NEBL: variants seen among roughly 807,000 people sequenced by gnomAD.
NEBL encodes the protein nebulette.
NEBL carries 122 observed loss-of-function variants against 140.2 expected under a neutral mutation model. That is an observed-to-expected ratio of 0.87 (90% CI 0.75 to 1.01). The LOEUF is 1.01. NEBL is among the 50% of genes least tolerant of loss of function. NEBL has a pLI of 0.00. For missense variants in NEBL, 1,365 were observed against 1,231.3 expected (o/e 1.11, Z -1.62); for synonymous variants, 436 against 398.9 (o/e 1.09, Z -1.11).
At chr10:20,841,101 A>AT (rs1245346892) in intron 12 of NEBL, among the ~76,000 whole-genome samples, 1 of 151,726 alleles carries the variant, frequency 6.6e-6, no homozygotes, top group Admixed American at 6.6e-5. Context: ...ACCATAGTGG[A>AT]TTTTTTTTAA....
intron 3 of NEBL, among the ~76,000 whole-genome samples, chr10:20,980,237 G>C (rs554833953): frequency 6.6e-6 from 1 of 152,010 alleles, no homozygotes. Context: ...AATGTCATCA[G>C]TGAATGGGCT....
intron 27 of NEBL, among the ~76,000 whole-genome samples, 199 bp from the exon 28 acceptor site, chr10:20,786,122 G>C (rs549032373): frequency 2.0e-5 from 3 of 152,204 alleles, no homozygotes; most frequent in South Asian, 2.1e-4. Flanking sequence ...AATATTTTTG[G>C]AACAGGGATA....
At chr10:20,905,061 AAAT>A (rs1848031502) in intron 4 of NEBL, among the ~76,000 whole-genome samples, 1 of 152,214 alleles carries the variant, frequency 6.6e-6, no homozygotes, top group African/African-American at 2.4e-5. Flanking sequence ...TAAAATGGGG[AAAT>A]AATGAAGAAG....
At chr10:20,978,645 G>A (rs1424007408) in intron 3 of NEBL, among the ~76,000 whole-genome samples, 1 of 151,820 alleles carries the variant, frequency 6.6e-6, no homozygotes, top group Non-Finnish European at 1.5e-5. Context: ...TGTGTTCCCA[G>A]CTACTCAGGA....
intron 2 of NEBL, among the ~76,000 whole-genome samples, chr10:21,142,463 C>T (rs925478414): frequency 2.6e-5 from 4 of 152,042 alleles, no homozygotes; most frequent in South Asian, 2.1e-4. Flanking sequence ...GGCAAACAAG[C>T]GAGCACAGGA....
At chr10:21,044,616 C>T (rs1192267830) in intron 2 of NEBL, among the ~76,000 whole-genome samples, 1 of 152,094 alleles carries the variant, frequency 6.6e-6, no homozygotes, top group Non-Finnish European at 1.5e-5. Flanking sequence ...ATTCTTCCCA[C>T]CACACTGAGA....
chr10:21,029,445 C>A, intron 2 of NEBL: 1 of 1,611,508 alleles, frequency 6.2e-7, no homozygotes, highest in Non-Finnish European at 8.5e-7. Flanking sequence ...ACCTGGATTC[C>A]CTGCTCAGTG....
chr10:20,935,785 T>C (rs1457171195), intron 4 of NEBL, among the ~76,000 whole-genome samples: 1 of 152,170 alleles, frequency 6.6e-6, no homozygotes, highest in Non-Finnish European at 1.5e-5. Flanking sequence ...AATTGCAAAA[T>C]AGCTCATTTG....
At chr10:21,135,111 T>G (rs1031283783) in intron 2 of NEBL, among the ~76,000 whole-genome samples, 1 of 152,254 alleles carries the variant, frequency 6.6e-6, no homozygotes, top group Non-Finnish European at 1.5e-5. Flanking sequence ...AACAGAGCTT[T>G]GTGTGTAACA....
chr10:21,098,291 G>A (rs977857791), intron 2 of NEBL, among the ~76,000 whole-genome samples: 4 of 152,104 alleles, frequency 2.6e-5, no homozygotes, highest in Admixed American at 6.6e-5. Flanking sequence ...GTGCAGAAAT[G>A]AAAGGAGACA....
intron 1 of NEBL, among the ~76,000 whole-genome samples, chr10:21,272,934 C>T (rs1842876578): frequency 6.6e-6 from 1 of 152,130 alleles, no homozygotes; most frequent in Non-Finnish European, 1.5e-5. Context: ...TCATGCTGGC[C>T]ATCTCTCTTC....
intron 26 of NEBL, among the ~76,000 whole-genome samples, chr10:20,803,207 A>G (rs1837284626): frequency 6.6e-6 from 1 of 152,222 alleles, no homozygotes; most frequent in African/African-American, 2.4e-5. Flanking sequence ...CTGTAGGATG[A>G]CTATAGTTAG....
intron 8 of NEBL, 130 bp from the exon 9 acceptor site, chr10:20,858,474 C>A (rs929644233): frequency 6.5e-6 from 5 of 774,966 alleles, no homozygotes; most frequent in Non-Finnish European, 1.1e-5. Context: ...TTACAAGGAG[C>A]CACTAGATGG....
At chr10:20,852,448 A>T in intron 10 of NEBL, 97 bp downstream of exon 10, 2 of 796,726 alleles carry the variant, frequency 2.5e-6, no homozygotes, top group Admixed American at 3.5e-5. Flanking sequence ...CTGCAACTGT[A>T]CTTTCTCAGT....
intron 2 of NEBL, among the ~76,000 whole-genome samples, chr10:21,137,086 T>C (rs747232954): frequency 1.3e-4 from 20 of 152,244 alleles, no homozygotes; most frequent in Non-Finnish European, 1.9e-4. Flanking sequence ...AGGGAAGTGA[T>C]TAAAGCATGG....
At chr10:21,082,579 G>C (rs1307690445) in intron 2 of NEBL, among the ~76,000 whole-genome samples, 2 of 133,584 alleles carry the variant, frequency 1.5e-5, no homozygotes, top group African/African-American at 3.1e-5. Flanking sequence ...AGACTGTGTA[G>C]AGAGAGTGGA....
intron 3 of NEBL, among the ~76,000 whole-genome samples, chr10:21,010,850 G>A (rs866692580): frequency 4.6e-5 from 7 of 152,198 alleles, no homozygotes; most frequent in Non-Finnish European, 7.4e-5. Context: ...CTTGTCTTTC[G>A]TCCTGTGCCA....
At chr10:20,991,190 G>A (rs1470833158) in intron 3 of NEBL, among the ~76,000 whole-genome samples, 1 of 152,014 alleles carries the variant, frequency 6.6e-6, no homozygotes, top group African/African-American at 2.4e-5. Context: ...TCCTAAATGG[G>A]GAATTGGCTC....
chr10:21,173,488 G>A lies in NEBL; in HGVS notation c.69+277C>T, dbSNP rs1457185239. 6.6e-6 allele frequency among the ~76,000 whole-genome samples: 1 copy of A among 152,034 alleles called. No individual in the cohort carries two copies. Among genetic ancestry groups the A allele is most frequent in the African/African-American group, 2.4e-5 (1 of 41,454 alleles). ...CCAGCCTGGTCCCTCCGGGGTCCGG[G>A]GCTGCGCACCGCCGTGCGCCCTCCG... On this transcript the variant is annotated intron_variant, in intron 1 of 6. Coordinates refer to the NEBL transcript ENST00000417816. This position sits in a 1 kb window ranked among gnomAD's most constrained non-coding sequence, Gnocchi z 5.7.
Sources: gnomAD v4.1 joint callset for allele counts (sites outside exome capture counted in the v4.1 genomes callset) on GRCh38, gnomAD v4.1.1 for gene constraint, Gnocchi (gnomAD v3.1) non-coding constraint, MANE v1.5 for transcripts, NCBI Gene and HGNC (gene_info 2026-07-23, HGNC 2026-07-21) for gene names.